Variants in DEFB129 observed in about 807,000 individuals in gnomAD.
DEFB129 encodes the protein defensin beta 129, also known as beta-defensin 129.
A neutral mutation model predicts 2.5 loss-of-function variants in DEFB129; 2 were observed. That is an observed-to-expected ratio of 0.80 (90% CI 0.33 to 2.53). The LOEUF (loss-of-function observed/expected upper bound fraction) is 2.53. DEFB129 is among the 30% of genes most tolerant of loss of function. The probability of loss-of-function intolerance (pLI) is 0.11; values close to 1 mark genes in which losing one functional copy is unlikely to be tolerated. For synonymous variants in DEFB129, 76 were observed against 74.4 expected, an observed-to-expected ratio of 1.02 and a Z score of -0.11; for missense variants, 177 against 216.9, an observed-to-expected ratio of 0.82 and a Z score of 1.16.
chr20:227,703 TA>T (rs368703341), intron 1 of DEFB129, among the ~76,000 whole-genome samples: 4 of 151,706 alleles, frequency 2.6e-5, no homozygotes, highest in Admixed American at 6.6e-5. Flanking sequence ...CCTTTTTTTT[TA>T]AAAAAAGTCC....
rs772120247 is a variant in DEFB129, at chr20:227,298, C to A, written c.10C>A (p.Leu4Ile). MKL[L>I]FPIFASLMLQ... The stretch of plus-strand genomic sequence containing the variant: ...TCTCTGGCACCCAACCATGAAGCTC[C>A]TTTTTCCTATCTTTGCCAGCCTCAT... The change falls in exon 1 of 2, where the codon CTT (leucine) becomes ATT (isoleucine). Residue 4 changes from leucine to isoleucine, a missense_variant. Coordinates refer to ENST00000246105, the MANE Select transcript of DEFB129 (RefSeq NM_080831.4). 5 of 1,614,124 alleles carry A rather than the reference C, an allele frequency of 3.1e-6. No homozygotes were observed. Among genetic ancestry groups the A allele is most frequent in the Non-Finnish European group, 4.2e-6 (5 of 1,179,984 alleles).
In DEFB129 at chr20:229,288, C is replaced by A; in HGVS notation, c.69C>A (p.Gly23=). ...LQYQVNTEFI[G]LRRCLMGLGR... is the part of the protein sequence containing the mutation. ...TCTTTTTTTATACAGAATTTATTGG[C>A]TTGAGACGCTGTTTAATGGGTTTGG... The change falls in exon 2 of 2, where the codon GGC becomes GGA. Residue 23 remains glycine, a synonymous_variant. Coordinates refer to ENST00000246105, the MANE Select transcript of DEFB129 (RefSeq NM_080831.4). The A allele has an allele frequency of 6.3e-7, 1 of 1,582,308 alleles. No homozygotes were observed. Among genetic ancestry groups the A allele is most frequent in the Admixed American group, 1.9e-5 (1 of 52,834 alleles).
chr20:229,306 G>T lies in DEFB129; in HGVS notation c.87G>T (p.Met29Ile). 1 of 1,598,362 alleles carries T rather than the reference G, an allele frequency of 6.3e-7. No individual in the cohort carries two copies. The highest frequency in any genetic ancestry group is 8.5e-7 in the Non-Finnish European group (1 of 1,174,962). The change falls in exon 2 of 2, where the codon ATG becomes ATT. Residue 29 changes from methionine to isoleucine, a missense_variant. Transcript: ENST00000246105. ...TTATTGGCTTGAGACGCTGTTTAATGGGTTTGGGGAGATGCAGGGATCACT... is the reference window on the plus strand; with the variant it reads ...TTATTGGCTTGAGACGCTGTTTAATTGGTTTGGGGAGATGCAGGGATCACT... ...TEFIGLRRCL[M>I]GLGRCRDHCN...
chr20:229,181 G>A, intron 1 of DEFB129, 97 bp from the exon 2 acceptor site: 1 of 1,460,452 alleles, frequency 6.8e-7, no homozygotes, highest in Admixed American at 2.3e-5. Context: ...TGTAGTATGA[G>A]TAAACTCTCT....
chr20:228,227 TC>T (rs2011303156), intron 1 of DEFB129, among the ~76,000 whole-genome samples: 1 of 152,230 alleles, frequency 6.6e-6, no homozygotes, highest in Admixed American at 6.5e-5. Flanking sequence ...GCAAAGGGTT[TC>T]GGGGCAGGGA....
intron 1 of DEFB129, 149 bp from the exon 2 acceptor site, chr20:229,129 C>G: frequency 1.0e-6 from 1 of 1,002,216 alleles, no homozygotes. Context: ...TCTCAGCCTG[C>G]CCATTTGCCT....
At position 227,294 on chromosome 20, in the gene DEFB129, G is replaced by A; in HGVS notation, c.6G>A (p.Lys2=). The change falls in exon 1 of 2, where the codon AAG becomes AAA. Residue 2 remains lysine (K), a synonymous_variant. Coordinates refer to ENST00000246105, the MANE Select transcript of DEFB129 (RefSeq NM_080831.4). The stretch of plus-strand genomic sequence containing the variant: ...TTCCTCTCTGGCACCCAACCATGAA[G>A]CTCCTTTTTCCTATCTTTGCCAGCC... M[K]LLFPIFASLM... is the part of the protein sequence containing the mutation. 1.2e-6 allele frequency: 2 copies of A among 1,614,142 alleles called. No homozygotes were observed. Among genetic ancestry groups the A allele is most frequent in the Non-Finnish European group, 1.7e-6 (2 of 1,179,990 alleles).
chr20:228,664 T>G (rs932179166), intron 1 of DEFB129, among the ~76,000 whole-genome samples: 2 of 152,230 alleles, frequency 1.3e-5, no homozygotes, highest in African/African-American at 4.8e-5. Context: ...TTTAGAATTA[T>G]AGATAACAAT....
chr20:227,386 G>A, intron 1 of DEFB129, 40 bp downstream of exon 1: 1 of 1,609,986 alleles, frequency 6.2e-7, no homozygotes, highest in Non-Finnish European at 8.5e-7. Context: ...TAGATGAGAG[G>A]AACCAAGGAT....
chr20:228,526 G>A (rs2011305928), intron 1 of DEFB129, among the ~76,000 whole-genome samples: 1 of 152,160 alleles, frequency 6.6e-6, no homozygotes, highest in Non-Finnish European at 1.5e-5. Context: ...GTAATTTAGG[G>A]AAAATCATTG....
intron 1 of DEFB129, among the ~76,000 whole-genome samples, chr20:228,038 T>G (rs1162376428): frequency 6.6e-6 from 1 of 152,188 alleles, no homozygotes; most frequent in East Asian, 1.9e-4. Flanking sequence ...TTCCAGAGCC[T>G]TTATCGCTTC....
In DEFB129 at chr20:229,256, G is replaced by A. The variant is rs760271682; in HGVS notation, c.59-22G>A. Reference sequence around the variant, plus strand: ...CTCTAGTTATTAACCTTGGCTCAATGGCTTTCTCTTTTTTTATACAGAATT... The same window carrying A: ...CTCTAGTTATTAACCTTGGCTCAATAGCTTTCTCTTTTTTTATACAGAATT... On this transcript the variant is annotated intron_variant, in intron 1 of 1. Coordinates refer to ENST00000246105, the MANE Select transcript of DEFB129 (RefSeq NM_080831.4). The A allele has an allele frequency of 3.9e-6, 6 of 1,542,558 alleles. No individual in the cohort carries two copies. The South Asian group carries it at 7.7e-5, about 20-fold the overall frequency.
rs2122156904 is a variant in DEFB129, at chr20:227,266, G to A, written c.-23G>A. 1 of 1,613,972 alleles carries A rather than the reference G, an allele frequency of 6.2e-7. No individual in the cohort carries two copies. ...CTCAGGAGCATCAACCCAGATTCAA[G>A]GCTTCCTCTCTGGCACCCAACCATG... On this transcript the variant is annotated 5_prime_UTR_variant, in exon 1 of 2. Coordinates refer to ENST00000246105, the MANE Select transcript of DEFB129 (RefSeq NM_080831.4).
At position 229,781 on chromosome 20, in the gene DEFB129, T is replaced by C. The variant is rs1443307920; in HGVS notation, c.*10T>C. On this transcript the variant is annotated 3_prime_UTR_variant, in exon 2 of 2. Transcript: ENST00000246105. ...AGCAGAAGAGCAGTAATGTGGATCT[T>C]TCCCTTAAAACTCCAAGTTCCTCTC... 2 of 1,597,062 alleles carry C rather than the reference T, an allele frequency of 1.3e-6. No homozygotes were observed. The highest frequency in any genetic ancestry group is 2.7e-5 in the African/African-American group (2 of 74,384).
At chr20:229,246 T>C (rs1290510201) in intron 1 of DEFB129, 32 bp from the exon 2 acceptor site, 1 of 1,541,214 alleles carries the variant, frequency 6.5e-7, no homozygotes, top group African/African-American at 1.4e-5. Flanking sequence ...GTTATTAACC[T>C]TGGCTCAATG....
At chr20:228,686 C>T (rs1228519725) in intron 1 of DEFB129, among the ~76,000 whole-genome samples, 2 of 152,048 alleles carry the variant, frequency 1.3e-5, no homozygotes, top group African/African-American at 4.8e-5. Flanking sequence ...CAGAAGTTAC[C>T]TTGGTGGATA....
rs771931295 is a variant in DEFB129, at chr20:229,464, T to G, written c.245T>G (p.Met82Arg). The change falls in exon 2 of 2, where the codon ATG (methionine) becomes AGG (arginine). Residue 82 changes from methionine to arginine, a missense_variant. Transcript: ENST00000246105. Reference sequence around the variant, plus strand: ...GTACTTAATGAAGACGTCCAAGAAATGCTAAAACCTGCCAAGAATTCTAGT... The same window carrying G: ...GTACTTAATGAAGACGTCCAAGAAAGGCTAAAACCTGCCAAGAATTCTAGT... ...PNVLNEDVQE[M>R]LKPAKNSSAV... 1 of 1,614,108 alleles carries G rather than the reference T, an allele frequency of 6.2e-7. No individual in the cohort carries two copies. The highest frequency in any genetic ancestry group is 1.1e-5 in the South Asian group (1 of 91,086).
chr20:229,846 C>A lies in DEFB129; in HGVS notation c.*75C>A. On this transcript the variant is annotated 3_prime_UTR_variant, in exon 2 of 2. Transcript: ENST00000246105. The stretch of plus-strand genomic sequence containing the variant: ...ATAAAATGACATAGAACTGTTTCCT[C>A]TGTCATCAGTCATTCAATAAACACT... 1 of 1,511,478 alleles carries A rather than the reference C, an allele frequency of 6.6e-7. No homozygotes were observed. Among genetic ancestry groups the A allele is most frequent in the Non-Finnish European group, 8.8e-7 (1 of 1,135,384 alleles). The allele number at this position is 1,511,478 out of a possible 1,614,324, so 93.6% of individuals were successfully genotyped here.
chr20:227,294 G>C lies in DEFB129; in HGVS notation c.6G>C (p.Lys2Asn). ...TTCCTCTCTGGCACCCAACCATGAA[G>C]CTCCTTTTTCCTATCTTTGCCAGCC... MKLLFPIFASLM... is the reference protein window; with the variant it reads MNLLFPIFASLM... The change falls in exon 1 of 2, where the codon AAG becomes AAC. Residue 2 changes from lysine (K) to asparagine (N), a missense_variant. Physicochemically the swap from Lys to Asn is moderately conservative, Grantham distance 94. Transcript: ENST00000246105. The C allele has an allele frequency of 6.2e-7, 1 of 1,614,142 alleles. No individual in the cohort carries two copies. Among genetic ancestry groups the C allele is most frequent in the African/African-American group, 1.3e-5 (1 of 75,058 alleles).
Sources: gnomAD v4.1 joint callset for allele counts (sites outside exome capture counted in the v4.1 genomes callset) on GRCh38, gnomAD v4.1.1 for gene constraint, MANE v1.5 for transcripts, NCBI Gene and HGNC (gene_info 2026-07-23, HGNC 2026-07-21) for gene names.